The following CCND3 variants were observed in gnomAD, a reference collection of about 807,000 sequenced individuals.
The protein encoded by CCND3 is cyclin D3.
Under a neutral mutation model 28.7 loss-of-function variants are expected in CCND3, and 9 were observed. That is an observed-to-expected ratio of 0.31 (90% CI 0.19 to 0.55). The LOEUF (loss-of-function observed/expected upper bound fraction) is 0.55. Among genes scored for constraint, CCND3 ranks in the 20% least tolerant of loss-of-function variants. The pLI is 0.93. For synonymous variants in CCND3, 164 were observed against 163.9 expected, an observed-to-expected ratio of 1.00 and a Z score of 0.00; for missense variants, 315 against 385.8, an observed-to-expected ratio of 0.82 and a Z score of 1.54.
In CCND3 at chr6:41,935,615, G is replaced by A; in HGVS notation, c.*325C>T. ...AGTTGAAAACATGAGAGCCCCCAGG[G>A]GTGGGGGGGGGCGTTCAAAAGGAAT... On this transcript the variant is annotated 3_prime_UTR_variant, in exon 5 of 5. Coordinates refer to ENST00000372991, the MANE Select transcript of CCND3 (RefSeq NM_001760.5). The A allele has an allele frequency of 2.2e-6, 1 of 448,056 alleles. No individual in the cohort carries two copies. Among genetic ancestry groups the A allele is most frequent in the Non-Finnish European group, 4.0e-6 (1 of 252,852 alleles). The allele number at this position is 448,056 out of a possible 1,614,324, so 27.8% of individuals were successfully genotyped here. A position where few individuals can be genotyped will look rare whatever the true frequency, so the allele number is the denominator to read the frequency against.
chr6:41,974,621 C>T (rs999929779), intron 1 of CCND3, among the ~76,000 whole-genome samples: 5 of 152,082 alleles, frequency 3.3e-5, no homozygotes, highest in East Asian at 1.9e-4. Flanking sequence ...CCAACTTAGC[C>T]GGGTCACAGA....
chr6:41,975,363 G>C (rs1298270710), intron 1 of CCND3, among the ~76,000 whole-genome samples: 1 of 152,114 alleles, frequency 6.6e-6, no homozygotes, highest in Admixed American at 6.6e-5. Context: ...TGCAACCCAA[G>C]CGAGGGTATC....
intron 1 of CCND3, among the ~76,000 whole-genome samples, chr6:42,046,024 C>T (rs1764531718): frequency 6.6e-6 from 1 of 152,160 alleles, no homozygotes; most frequent in Non-Finnish European, 1.5e-5. Flanking sequence ...CCTGCTTACC[C>T]GTTTTCTCAG....
intron 1 of CCND3, among the ~76,000 whole-genome samples, chr6:41,956,444 T>C (rs1440806153): frequency 2.0e-5 from 3 of 152,194 alleles, no homozygotes; most frequent in Non-Finnish European, 4.4e-5. Context: ...TGGCCAGAAC[T>C]TTCCTAGTAC....
chr6:42,023,061 A>G (rs1453089561), intron 1 of CCND3, among the ~76,000 whole-genome samples: 3 of 152,220 alleles, frequency 2.0e-5, no homozygotes, highest in Non-Finnish European at 4.4e-5. Flanking sequence ...CCCGAAATCA[A>G]TACTTGAGGT....
chr6:41,996,521 C>G (rs1200978411), intron 1 of CCND3, among the ~76,000 whole-genome samples: 2 of 152,060 alleles, frequency 1.3e-5, no homozygotes, highest in Non-Finnish European at 2.9e-5. Flanking sequence ...TTCTACGAAG[C>G]CTTTCAAAAC....
chr6:42,043,337 A>C (rs1240586295), intron 1 of CCND3, among the ~76,000 whole-genome samples: 1 of 152,224 alleles, frequency 6.6e-6, no homozygotes, highest in Admixed American at 6.5e-5. Flanking sequence ...GGAATTCAAG[A>C]CCATCCTGGC....
chr6:42,036,481 C>T (rs1472635110), intron 1 of CCND3, among the ~76,000 whole-genome samples: 5 of 133,952 alleles, frequency 3.7e-5, no homozygotes, highest in Non-Finnish European at 6.2e-5. Context: ...ACAATCACTA[C>T]TCACTGCAGC....
intron 1 of CCND3, among the ~76,000 whole-genome samples, chr6:41,970,129 A>C (rs533854039): frequency 6.6e-6 from 1 of 152,228 alleles, no homozygotes; most frequent in East Asian, 1.9e-4. Context: ...TCACGAGGTC[A>C]AGAGATTGAG....
chr6:42,036,183 T>C (rs1350335415), intron 1 of CCND3, among the ~76,000 whole-genome samples: 5 of 149,428 alleles, frequency 3.3e-5, no homozygotes, highest in Non-Finnish European at 1.5e-5. Context: ...AGTAGACATG[T>C]GGTTTCACCA....
Position 41,936,721 on chromosome 6 carries a change from G to A in CCND3, c.575-26C>T, listed in dbSNP as rs1299910892. The A allele has an allele frequency of 2.5e-6, 4 of 1,607,756 alleles. No individual in the cohort carries two copies. The highest frequency in any genetic ancestry group is 1.1e-5 in the South Asian group (1 of 90,634). On this transcript the variant is annotated intron_variant, in intron 3 of 4. Transcript: ENST00000372991. The surrounding 1 kb of genome is among the most constrained non-coding windows in gnomAD (Gnocchi z 4.4). ...CTTGGAGAGGAGGAAAGGGAACCAT[G>A]AGAGAAGGAAACCTGAAGGATAACG...
At chr6:42,035,994 T>C (rs1455655654) in intron 1 of CCND3, among the ~76,000 whole-genome samples, 1 of 150,568 alleles carries the variant, frequency 6.6e-6, no homozygotes, top group Non-Finnish European at 1.5e-5. Context: ...ATTATTATTA[T>C]TTTGGGTTTT....
upstream of CCND3, among the ~76,000 whole-genome samples, chr6:41,946,595 CAAAAAAAAAAAA>C (rs35369019): frequency 1.2e-3 from 25 of 20,932 alleles, no homozygotes; most frequent in Non-Finnish European, 1.0e-3. Context: ...AGACCTGTCT[CAAAAAAAAAAAA>C]AAAAAAAAAA....
At chr6:41,993,306 A>T (rs986712793) in intron 1 of CCND3, among the ~76,000 whole-genome samples, 3 of 152,016 alleles carry the variant, frequency 2.0e-5, no homozygotes, top group African/African-American at 7.2e-5. Context: ...CCTCATCCTC[A>T]CAGCATAGAT....
intron 1 of CCND3, among the ~76,000 whole-genome samples, chr6:41,973,298 G>A (rs1762084187): frequency 6.6e-6 from 1 of 152,054 alleles, no homozygotes; most frequent in African/African-American, 2.4e-5. Context: ...CAGCTCATCT[G>A]CCCTAAATCC....
intron 1 of CCND3, among the ~76,000 whole-genome samples, chr6:42,013,273 A>C (rs1763393697): frequency 6.6e-6 from 1 of 152,206 alleles, no homozygotes; most frequent in African/African-American, 2.4e-5. Context: ...TGAATCACAC[A>C]GTTGATTCAT....
chr6:41,973,417 C>G (rs1044911629), intron 1 of CCND3, among the ~76,000 whole-genome samples: 1 of 152,108 alleles, frequency 6.6e-6, no homozygotes, highest in Admixed American at 6.6e-5. Flanking sequence ...AATATCCAAC[C>G]ATAGAGGACT....
intron 1 of CCND3, among the ~76,000 whole-genome samples, chr6:41,965,058 CTTTTTTTTTTTTTTTT>C (rs56138276): frequency 1.5e-4 from 12 of 82,094 alleles, no homozygotes; most frequent in South Asian, 1.1e-3. Context: ...TTTCACGTTG[CTTTTTTTTTTTTTTTT>C]TTTTTTTTTT....
chr6:42,006,982 T>TA (rs1763195964), intron 1 of CCND3, among the ~76,000 whole-genome samples: 1 of 152,024 alleles, frequency 6.6e-6, no homozygotes, highest in Admixed American at 6.6e-5. Context: ...TGAGATTTGT[T>TA]AGAGGGATGG....
Sources: allele counts gnomAD v4.1 joint callset (sites outside exome capture counted in the v4.1 genomes callset), GRCh38; gene constraint gnomAD v4.1.1; non-coding constraint Gnocchi (gnomAD v3.1); transcripts MANE v1.5; gene names NCBI Gene and HGNC (gene_info 2026-07-23, HGNC 2026-07-21).